NT5C3A: variants seen among roughly 807,000 people sequenced by gnomAD.
NT5C3A encodes the protein cytosolic 5'-nucleotidase 3A.
NT5C3A carries 23 observed loss-of-function variants against 40.0 expected under a neutral mutation model. The ratio of observed to expected loss-of-function variants is 0.58; its 90% CI spans 0.41 to 0.81. The LOEUF is 0.81. Ranked by LOEUF, NT5C3A falls within the 40% of genes least tolerant of loss-of-function variation. The pLI is 0.00. For missense variants in NT5C3A, 328 were observed against 403.0 expected, an observed-to-expected ratio of 0.81 and a Z score of 1.59; for synonymous variants, 130 against 141.4, an observed-to-expected ratio of 0.92 and a Z score of 0.57.
At chr7:33,037,401 G>C (rs1404513627) in intron 1 of NT5C3A, among the ~76,000 whole-genome samples, 1 of 152,098 alleles carries the variant, frequency 6.6e-6, no homozygotes, top group African/African-American at 2.4e-5. Context: ...CTTTATTTCA[G>C]ATAAGTAAAA....
At chr7:33,049,401 C>A (rs968282548) in intron 1 of NT5C3A, among the ~76,000 whole-genome samples, 4 of 152,096 alleles carry the variant, frequency 2.6e-5, no homozygotes, top group Non-Finnish European at 5.9e-5. Context: ...CAAGGACTTA[C>A]CAACTACTAA....
intron 1 of NT5C3A, among the ~76,000 whole-genome samples, chr7:33,056,500 A>T (rs1051344485): frequency 2.2e-5 from 3 of 138,942 alleles, no homozygotes; most frequent in Non-Finnish European, 4.6e-5. Context: ...AAAAAAAAAA[A>T]AAAAAAAAAA....
At chr7:33,017,384 A>G (rs1165825704) in intron 7 of NT5C3A, 55 bp downstream of exon 7, 8 of 1,366,570 alleles carry the variant, frequency 5.9e-6, no homozygotes, top group Non-Finnish European at 8.2e-6. Flanking sequence ...ATAAATTTAC[A>G]TGATTAAAAT....
intron 7 of NT5C3A, 67 bp from the exon 8 acceptor site, chr7:33,015,937 A>G (rs756466953): frequency 7.6e-6 from 8 of 1,052,178 alleles, no homozygotes; most frequent in Non-Finnish European, 1.2e-5. Context: ...CATATTTTGG[A>G]GCTCTTAATT....
chr7:33,060,139 G>C (rs1026579906), intron 1 of NT5C3A, among the ~76,000 whole-genome samples: 15 of 152,104 alleles, frequency 9.9e-5, no homozygotes, highest in African/African-American at 3.6e-4. Flanking sequence ...TTTCTGTAGA[G>C]AAAGGGTCTC....
At chr7:33,040,880 T>C in intron 1 of NT5C3A, 1 of 985,204 alleles carries the variant, frequency 1.0e-6, no homozygotes, top group Non-Finnish European at 1.2e-6. Flanking sequence ...ACCCTGAAGG[T>C]AACCGGACGA....
chr7:33,019,600 G>T, intron 6 of NT5C3A, 35 bp downstream of exon 6: 1 of 1,225,750 alleles, frequency 8.2e-7, no homozygotes, highest in Non-Finnish European at 1.2e-6. Flanking sequence ...TCAAGTCTGT[G>T]AACAATAACA....
chr7:33,028,475 C>T (rs1443403788), intron 1 of NT5C3A, among the ~76,000 whole-genome samples: 1 of 152,134 alleles, frequency 6.6e-6, no homozygotes, highest in Non-Finnish European at 1.5e-5. Flanking sequence ...GTCAGTTATA[C>T]AGCATAGGCA....
intron 4 of NT5C3A, 70 bp from the exon 5 acceptor site, chr7:33,021,427 A>C (rs868470540): frequency 1.9e-6 from 3 of 1,542,962 alleles, no homozygotes; most frequent in Middle Eastern, 1.9e-4. Flanking sequence ...TATAGAAAGC[A>C]AAACAATGTA....
intron 1 of NT5C3A, among the ~76,000 whole-genome samples, chr7:33,042,816 G>A (rs1272804335): frequency 7.2e-5 from 11 of 152,102 alleles, no homozygotes; most frequent in African/African-American, 7.2e-5. Context: ...CTGCCAGGAC[G>A]TATACTGCAA....
chr7:33,033,482 C>T (rs781142414), intron 1 of NT5C3A, among the ~76,000 whole-genome samples: 1 of 152,056 alleles, frequency 6.6e-6, no homozygotes, highest in African/African-American at 2.4e-5. Context: ...TGTGTGAAGC[C>T]GCTCTGTAAG....
intron 1 of NT5C3A, among the ~76,000 whole-genome samples, chr7:33,050,866 A>C (rs1423212193): frequency 6.6e-6 from 1 of 152,328 alleles, no homozygotes; most frequent in East Asian, 1.9e-4. Context: ...TAACACAAGA[A>C]AGATAATTTG....
At chr7:33,053,152 T>C (rs980510315) in intron 1 of NT5C3A, among the ~76,000 whole-genome samples, 23 of 152,152 alleles carry the variant, frequency 1.5e-4, no homozygotes, top group African/African-American at 3.9e-4. Context: ...AAAGATGTAA[T>C]GAGCCTGGGC....
At chr7:33,045,462 A>ATT (rs763139628) in intron 1 of NT5C3A, among the ~76,000 whole-genome samples, 5 of 146,350 alleles carry the variant, frequency 3.4e-5, no homozygotes, top group Admixed American at 6.9e-5. Context: ...CAAATGAAAA[A>ATT]TTTTTTTTTT....
intron 1 of NT5C3A, among the ~76,000 whole-genome samples, chr7:33,031,447 G>A (rs1022382226): frequency 6.6e-6 from 1 of 151,970 alleles, no homozygotes; most frequent in Non-Finnish European, 1.5e-5. Context: ...AATTAGCCGG[G>A]CATGGTGGTG....
In NT5C3A at chr7:33,017,461, T is replaced by C. The variant is rs104894028; in HGVS notation, c.671A>G (p.Asn224Ser). 6 of 1,612,306 alleles carry C rather than the reference T, an allele frequency of 3.7e-6. No individual in the cohort carries two copies. Among genetic ancestry groups the C allele is most frequent in the Admixed American group, 1.7e-5 (1 of 59,952 alleles). ...VYHPNVKVVS[N>S]FMDFDETGVL... ...TACAGTTTCATCAAAATCCATAAAA[T>C]TGGACACAACTTTGACATTGGGATG... Residue 224 changes from asparagine to serine, a missense_variant, in exon 7 of 9, where the codon AAT (asparagine) becomes AGT (serine). Asn to Ser is a conservative substitution (Grantham distance 46, BLOSUM62 1). Around this residue, in one of 3 missense-constraint regions of NT5C3A, gnomAD observed 280 missense variants for 317.2 expected, o/e 0.88. Coordinates refer to ENST00000610140, the MANE Select transcript of NT5C3A (RefSeq NM_001002010.5).
Position 33,036,066 on chromosome 7 carries a change from C to G in NT5C3A, c.139-9151G>C, listed in dbSNP as rs117393268. On this transcript the variant is annotated intron_variant, in intron 1 of 8. Coordinates refer to ENST00000610140, the MANE Select transcript of NT5C3A (RefSeq NM_001002010.5). The stretch of plus-strand genomic sequence containing the variant: ...GACATACATAAATTTCAGGTTCTTC[C>G]TGTTATGCCAATAATATATTAAGGT... 8.3e-4 allele frequency: 897 copies of G among 1,084,618 alleles called. 5 individuals carry two copies. The East Asian group carries it at 0.02, about 25-fold the overall frequency. 67.2% of individuals were successfully genotyped at this position (1,084,618 alleles called of 1,614,324 possible).
At chr7:33,036,041 G>C (rs749310009) in intron 1 of NT5C3A, 1 of 1,388,302 alleles carries the variant, frequency 7.2e-7, no homozygotes, top group Non-Finnish European at 1.0e-6. Context: ...AAGTACACGT[G>C]ACATACATAA....
At chr7:33,031,022 C>T (rs1477690084) in intron 1 of NT5C3A, among the ~76,000 whole-genome samples, 1 of 151,396 alleles carries the variant, frequency 6.6e-6, no homozygotes, top group African/African-American at 2.4e-5. Context: ...TGGCATGAAC[C>T]CCGGGGGGCG....
Sources: gnomAD v4.1 joint callset for allele counts (sites outside exome capture counted in the v4.1 genomes callset) on GRCh38, gnomAD v4.1.1 for gene constraint, gnomAD v4.1.1 regional missense constraint, MANE v1.5 for transcripts, NCBI Gene and HGNC (gene_info 2026-07-23, HGNC 2026-07-21) for gene names.